Variants in SLC35F4 observed in about 807,000 individuals in gnomAD.
SLC35F4 encodes the protein solute carrier family 35 member F4.
SLC35F4 carries 24 observed loss-of-function variants against 44.2 expected under a neutral mutation model. The ratio of observed to expected loss-of-function variants is 0.54; its 90% CI spans 0.39 to 0.76. SLC35F4 has a LOEUF of 0.76. Among genes scored for constraint, SLC35F4 ranks in the 30% least tolerant of loss-of-function variants. SLC35F4 has a pLI of 0.00. For missense variants in SLC35F4, 562 were observed against 586.1 expected (o/e 0.96, Z 0.42); for synonymous variants, 238 against 223.6 (o/e 1.06, Z -0.57).
intron 1 of SLC35F4, among the ~76,000 whole-genome samples, chr14:57,686,727 G>A (rs1382156097): frequency 6.6e-6 from 1 of 152,044 alleles, no homozygotes; most frequent in African/African-American, 2.4e-5. Flanking sequence ...ATTTTTCAAG[G>A]CTTTTGATAA....
chr14:57,569,993 A>G lies in SLC35F4; in HGVS notation c.934-13T>C, dbSNP rs1482930400. 1.9e-6 allele frequency: 3 copies of G among 1,585,576 alleles called. No homozygotes were observed. In the Admixed American group the frequency reaches 5.4e-5, roughly 28 times the overall value. ...TTTTAAACAAGACCTGGAATGAGAA[A>G]GAAACTCTACAGCCACACAGAAACT... On this transcript the variant is annotated splice_polypyrimidine_tract_variant and intron_variant, in intron 5 of 7. Transcript: ENST00000556826.
chr14:57,782,288 T>C lies in SLC35F4; in HGVS notation c.103+83435A>G, dbSNP rs1360774553. Among the ~76,000 whole-genome samples the C allele has an allele frequency of 3.6e-5, 5 of 139,830 alleles. No homozygotes were observed. In the East Asian group the frequency reaches 1.1e-3, roughly 31 times the overall value. 91.7% of individuals were successfully genotyped at this position (139,830 alleles called of 152,430 possible). ...AGTTTGAACTTCACACATCCCCTTA[T>C]ACATGGATTTTTTTTCAATATACTG... On this transcript the variant is annotated intron_variant, in intron 1 of 7. Transcript: ENST00000556826.
chr14:57,894,503 T>G (rs2141041195), intron 1 of SLC35F4, among the ~76,000 whole-genome samples: 1 of 152,174 alleles, frequency 6.6e-6, no homozygotes, highest in South Asian at 2.1e-4. Context: ...TAAAATTAAG[T>G]GAAAAACTGC....
At chr14:57,685,150 T>C (rs1052125696) in intron 1 of SLC35F4, among the ~76,000 whole-genome samples, 1 of 152,202 alleles carries the variant, frequency 6.6e-6, no homozygotes, top group Admixed American at 6.5e-5. Flanking sequence ...AGAAGTGGGT[T>C]ATATCTTTAG....
At chr14:57,909,137 C>A (rs1191681265) in intron 1 of SLC35F4, among the ~76,000 whole-genome samples, 1 of 151,946 alleles carries the variant, frequency 6.6e-6, no homozygotes, top group Non-Finnish European at 1.5e-5. Context: ...ATTTTTAGAA[C>A]AGTTTTGGGT....
At chr14:57,957,035 T>G (rs7161193) in intron 1 of SLC35F4, among the ~76,000 whole-genome samples, 34,803 of 152,076 alleles carry the variant, frequency 0.23, 4,331 homozygotes, top group East Asian at 0.34. Context: ...GACTTGGAAC[T>G]AACCCAAACG....
chr14:57,646,359 T>C (rs1294089293), intron 1 of SLC35F4, among the ~76,000 whole-genome samples: 1 of 152,206 alleles, frequency 6.6e-6, no homozygotes, highest in Non-Finnish European at 1.5e-5. Context: ...TGGGAGGGTG[T>C]ATGTATGGAG....
chr14:57,569,706 G>T, intron 6 of SLC35F4, 82 bp downstream of exon 6: 1 of 1,374,634 alleles, frequency 7.3e-7, no homozygotes, highest in Non-Finnish European at 9.6e-7. Flanking sequence ...AGTTACCCAA[G>T]GAAATAATCC....
intron 1 of SLC35F4, among the ~76,000 whole-genome samples, chr14:57,699,268 G>C (rs549151817): frequency 1.3e-5 from 2 of 152,108 alleles, no homozygotes; most frequent in East Asian, 3.9e-4. Context: ...GAGGATTTGG[G>C]GACAATATCT....
intron 1 of SLC35F4, among the ~76,000 whole-genome samples, chr14:57,697,499 G>A (rs966640947): frequency 3.3e-5 from 5 of 151,884 alleles, no homozygotes; most frequent in South Asian, 4.2e-4. Context: ...TCAGGAGTTC[G>A]AGACAAACCT....
At chr14:57,737,383 G>A (rs2076492933) in intron 1 of SLC35F4, among the ~76,000 whole-genome samples, 1 of 152,034 alleles carries the variant, frequency 6.6e-6, no homozygotes, top group Non-Finnish European at 1.5e-5. Context: ...CTCCTTTTCT[G>A]GGGTGAACTG....
intron 1 of SLC35F4, among the ~76,000 whole-genome samples, chr14:57,893,666 C>T (rs1392122531): frequency 2.6e-5 from 4 of 152,160 alleles, no homozygotes; most frequent in African/African-American, 9.7e-5. Context: ...TCCTGGACCA[C>T]AGGACATTAA....
intron 1 of SLC35F4, among the ~76,000 whole-genome samples, chr14:57,958,059 AT>A (rs528357443): frequency 0.011 from 1,606 of 145,836 alleles, 24 homozygotes; most frequent in African/African-American, 0.031. Context: ...ATTAGATGAA[AT>A]TTTTTTTTTT....
At chr14:57,833,999 C>A (rs957492426) in intron 1 of SLC35F4, among the ~76,000 whole-genome samples, 5 of 152,162 alleles carry the variant, frequency 3.3e-5, no homozygotes, top group Non-Finnish European at 5.9e-5. Context: ...ATTTACAAAA[C>A]CTTGTGCTGA....
At chr14:57,729,549 AT>A (rs1181203801) in intron 1 of SLC35F4, among the ~76,000 whole-genome samples, 1 of 152,054 alleles carries the variant, frequency 6.6e-6, no homozygotes, top group Non-Finnish European at 1.5e-5. Flanking sequence ...AGGGCTTGGG[AT>A]GGGGGCCTCA....
intron 1 of SLC35F4, chr14:57,596,710 T>C: frequency 8.6e-7 from 1 of 1,158,756 alleles, no homozygotes; most frequent in Non-Finnish European, 1.2e-6. Context: ...AACTTGTGTG[T>C]AGCGAGCAAG....
chr14:57,893,635 G>A (rs927229954), intron 1 of SLC35F4, among the ~76,000 whole-genome samples: 7 of 152,192 alleles, frequency 4.6e-5, no homozygotes, highest in South Asian at 2.1e-4. Context: ...CTATGTCCAA[G>A]CACCTGCTTT....
At position 57,581,355 on chromosome 14, in the gene SLC35F4, T is replaced by C. The variant is rs1409936585; in HGVS notation, c.666A>G (p.Leu222=). The change falls in exon 4 of 8, where the codon CTA becomes CTG. Residue 222 remains leucine, a synonymous_variant. Coordinates refer to ENST00000556826, the MANE Select transcript of SLC35F4 (RefSeq NM_001306087.2). ...FLKRTAPFSI[L]WTLTNYLYLL... is the part of the protein sequence containing the mutation. Reference sequence around the variant, plus strand: ...AATAAAGGTAATTAGTCAAAGTCCATAGAATAGAAAAGGGAGCAGTTCTTT... The same window carrying C: ...AATAAAGGTAATTAGTCAAAGTCCACAGAATAGAAAAGGGAGCAGTTCTTT... 1.7e-5 allele frequency: 28 copies of C among 1,613,316 alleles called. No individual in the cohort carries two copies. The Admixed American group carries it at 4.3e-4, about 25-fold the overall frequency.
chr14:57,597,976 TA>T (rs1432066449), intron 1 of SLC35F4, among the ~76,000 whole-genome samples: 1 of 152,178 alleles, frequency 6.6e-6, no homozygotes, highest in Non-Finnish European at 1.5e-5. Context: ...GGCCATTTAT[TA>T]AATAGAATAT....
Sources: allele counts gnomAD v4.1 joint callset (sites outside exome capture counted in the v4.1 genomes callset), GRCh38; gene constraint gnomAD v4.1.1; transcripts MANE v1.5; gene names NCBI Gene and HGNC (gene_info 2026-07-23, HGNC 2026-07-21).